Variants in ARHGAP32 observed in about 807,000 individuals in gnomAD.
The protein encoded by ARHGAP32 is Rho GTPase activating protein 32.
Under a neutral mutation model 186.5 loss-of-function variants are expected in ARHGAP32, and 51 were observed. That is an observed-to-expected ratio of 0.27 (90% CI 0.22 to 0.35). The LOEUF (loss-of-function observed/expected upper bound fraction) is 0.35. ARHGAP32 is among the 10% of genes least tolerant of loss of function. The probability of loss-of-function intolerance (pLI) is 1.00; values close to 1 mark genes in which losing one functional copy is unlikely to be tolerated. For synonymous variants in ARHGAP32, 950 were observed against 964.3 expected, an observed-to-expected ratio of 0.99 and a Z score of 0.27; for missense variants, 2,186 against 2,623.5, an observed-to-expected ratio of 0.83 and a Z score of 3.64.
At chr11:129,262,375 T>C (rs994452568) in intron 1 of ARHGAP32, among the ~76,000 whole-genome samples, 7 of 151,980 alleles carry the variant, frequency 4.6e-5, no homozygotes, top group African/African-American at 7.2e-5. Flanking sequence ...GCTTTAAATA[T>C]AGCAAAAGCT....
rs1359238798 is a variant in ARHGAP32, at chr11:128,968,892, T to C, written c.*15A>G. ...TGTCCAGCAGAGGCTGCTTCAACTCTATTGCTCGCAGGGCTCATTCTGCAT... is the reference window on the plus strand; with the variant it reads ...TGTCCAGCAGAGGCTGCTTCAACTCCATTGCTCGCAGGGCTCATTCTGCAT... On this transcript the variant is annotated 3_prime_UTR_variant, in exon 23 of 23. Coordinates refer to ENST00000682385, the MANE Select transcript of ARHGAP32 (RefSeq NM_001378024.1). 4.1e-6 allele frequency: 6 copies of C among 1,467,632 alleles called. No homozygotes were observed. The highest frequency in any genetic ancestry group is 2.3e-5 in the East Asian group (1 of 42,804). The allele number at this position is 1,467,632 out of a possible 1,614,324, so 90.9% of individuals were successfully genotyped here.
At chr11:129,160,151 A>G (rs1487940045) in intron 2 of ARHGAP32, among the ~76,000 whole-genome samples, 1 of 152,212 alleles carries the variant, frequency 6.6e-6, no homozygotes, top group Non-Finnish European at 1.5e-5. Flanking sequence ...TATCATACTG[A>G]AAGGGCAAAA....
At chr11:129,150,385 T>C (rs1194100169) in intron 2 of ARHGAP32, among the ~76,000 whole-genome samples, 2 of 152,126 alleles carry the variant, frequency 1.3e-5, no homozygotes, top group Non-Finnish European at 2.9e-5. Flanking sequence ...AAATCCCTCA[T>C]AGTTGGTGAG....
At chr11:129,122,524 T>C (rs1274275446) in intron 5 of ARHGAP32, among the ~76,000 whole-genome samples, 1 of 152,136 alleles carries the variant, frequency 6.6e-6, no homozygotes, top group East Asian at 1.9e-4. Context: ...CTCAAGGATA[T>C]ACACACTAAT....
At chr11:129,163,072 C>G (rs1943563082) in intron 2 of ARHGAP32, among the ~76,000 whole-genome samples, 1 of 152,136 alleles carries the variant, frequency 6.6e-6, no homozygotes, top group Non-Finnish European at 1.5e-5. Flanking sequence ...CTGACAATAA[C>G]ATGCTAAAAG....
intron 1 of ARHGAP32, among the ~76,000 whole-genome samples, chr11:129,206,959 G>A (rs961597311): frequency 6.6e-6 from 1 of 151,968 alleles, no homozygotes; most frequent in African/African-American, 2.4e-5. Context: ...CTGTGTCCAT[G>A]TGTTCTCACC....
chr11:129,038,888 G>GAAAAAAAAAAAAAAAAAAAAAAAA (rs56810685), intron 11 of ARHGAP32, among the ~76,000 whole-genome samples: 36 of 92,168 alleles, frequency 3.9e-4, no homozygotes, highest in East Asian at 9.2e-4. Context: ...ACCCTGTCTC[G>GAAAAAAAAAAAAAAAAAAAAAAAA]AAAAAAAAAA....
chr11:129,041,120 A>G, intron 10 of ARHGAP32, 111 bp from the exon 11 acceptor site: 1 of 637,354 alleles, frequency 1.6e-6, no homozygotes, highest in Non-Finnish European at 2.7e-6. Context: ...AAATGATTCT[A>G]TTATTCCAAG....
intron 11 of ARHGAP32, among the ~76,000 whole-genome samples, chr11:129,018,145 T>C (rs1938440389): frequency 6.6e-6 from 1 of 152,156 alleles, no homozygotes; most frequent in African/African-American, 2.4e-5. Flanking sequence ...TACTCCTACT[T>C]TCCTTGTATC....
chr11:129,258,963 C>G (rs1260393864), intron 1 of ARHGAP32, among the ~76,000 whole-genome samples: 1 of 152,112 alleles, frequency 6.6e-6, no homozygotes. Context: ...TCCAGTTAAG[C>G]AATATGATGA....
intron 1 of ARHGAP32, among the ~76,000 whole-genome samples, chr11:129,246,940 G>A (rs530953377): frequency 7.2e-5 from 11 of 152,254 alleles, no homozygotes; most frequent in African/African-American, 2.6e-4. Flanking sequence ...TTTGGAACCT[G>A]ATGGTAGCTG....
chr11:129,245,656 AAATAATAATAATAATAATAAT>A (rs56047154), intron 1 of ARHGAP32, among the ~76,000 whole-genome samples: 8,600 of 146,206 alleles, frequency 0.059, 642 homozygotes, highest in African/African-American at 0.17. Flanking sequence ...CAACAGATTA[AAATAATAATAATAATAATAAT>A]AATAATAATA....
At chr11:129,184,449 T>C (rs962946579) in intron 1 of ARHGAP32, among the ~76,000 whole-genome samples, 14 of 152,142 alleles carry the variant, frequency 9.2e-5, no homozygotes, top group African/African-American at 2.9e-4. Flanking sequence ...TGTATGTATC[T>C]ATACGTGAAG....
intron 2 of ARHGAP32, among the ~76,000 whole-genome samples, chr11:129,154,366 AATTCCACCTC>A (rs1943355498): frequency 6.6e-6 from 1 of 152,222 alleles, no homozygotes; most frequent in African/African-American, 2.4e-5. Context: ...ATGATCCAGC[AATTCCACCTC>A]TGGATCTCTA....
At chr11:129,174,125 T>A (rs541031072) in intron 1 of ARHGAP32, among the ~76,000 whole-genome samples, 1 of 152,162 alleles carries the variant, frequency 6.6e-6, no homozygotes, top group Non-Finnish European at 1.5e-5. Flanking sequence ...ATTGCCTCAC[T>A]CGGGAAGCGC....
chr11:129,032,510 A>G (rs1307536960), intron 11 of ARHGAP32, among the ~76,000 whole-genome samples: 1 of 152,178 alleles, frequency 6.6e-6, no homozygotes, highest in African/African-American at 2.4e-5. Context: ...TCCTCTTTCT[A>G]TGAATTTATA....
chr11:129,048,504 A>T (rs1195426063), intron 10 of ARHGAP32, among the ~76,000 whole-genome samples: 2 of 152,070 alleles, frequency 1.3e-5, no homozygotes, highest in Non-Finnish European at 2.9e-5. Flanking sequence ...TAAGCCAAAC[A>T]GAGACCACTA....
intron 2 of ARHGAP32, among the ~76,000 whole-genome samples, chr11:129,135,110 CAAT>C (rs1255288993): frequency 2.6e-5 from 4 of 152,068 alleles, no homozygotes; most frequent in Non-Finnish European, 4.4e-5. Flanking sequence ...TTAGAAGATA[CAAT>C]AATGTCAAGG....
At chr11:129,161,018 G>A (rs910282487) in intron 2 of ARHGAP32, among the ~76,000 whole-genome samples, 1 of 152,098 alleles carries the variant, frequency 6.6e-6, no homozygotes, top group Admixed American at 6.6e-5. Context: ...ACGACCCTCT[G>A]ATCTTTGACA....
Sources: allele counts gnomAD v4.1 joint callset (sites outside exome capture counted in the v4.1 genomes callset), GRCh38; gene constraint gnomAD v4.1.1; transcripts MANE v1.5; gene names NCBI Gene and HGNC (gene_info 2026-07-23, HGNC 2026-07-21).